PTPN1: variants seen among roughly 807,000 people sequenced by gnomAD.
The protein encoded by PTPN1 is tyrosine-protein phosphatase non-receptor type 1.
Under a neutral mutation model 59.9 loss-of-function variants are expected in PTPN1, and 12 were observed. The observed-to-expected ratio is 0.20, with a 90% CI of 0.13 to 0.32. The LOEUF is 0.32. Ranked by LOEUF, PTPN1 falls within the 10% of genes least tolerant of loss-of-function variation. The probability of loss-of-function intolerance (pLI) is 1.00; values close to 1 mark genes in which losing one functional copy is unlikely to be tolerated. For missense variants in PTPN1, 356 were observed against 549.2 expected, an observed-to-expected ratio of 0.65 and a Z score of 3.52; for synonymous variants, 178 against 203.6, an observed-to-expected ratio of 0.87 and a Z score of 1.07.
intron 1 of PTPN1, among the ~76,000 whole-genome samples, chr20:50,532,011 A>G (rs2082603474): frequency 6.6e-6 from 1 of 152,138 alleles, no homozygotes; most frequent in African/African-American, 2.4e-5. Flanking sequence ...TTGGCTGCAG[A>G]CTAGTAATAA....
intron 1 of PTPN1, among the ~76,000 whole-genome samples, chr20:50,539,142 TC>T (rs2082637651): frequency 6.8e-6 from 1 of 147,976 alleles, no homozygotes; most frequent in Admixed American, 6.9e-5. Context: ...TTTAAGCGAC[TC>T]TCCTGCCTCA....
chr20:50,546,589 G>A (rs1328388499), intron 1 of PTPN1, among the ~76,000 whole-genome samples: 2 of 152,192 alleles, frequency 1.3e-5, no homozygotes, highest in African/African-American at 2.4e-5. Context: ...GGTCCTGGTA[G>A]CAGAATCTTG....
intron 5 of PTPN1, chr20:50,577,665 G>A (rs919862160): frequency 6.6e-6 from 1 of 152,272 alleles, no homozygotes; most frequent in Non-Finnish European, 1.5e-5. Flanking sequence ...ACCCAGCCAC[G>A]GAAGAGACAT....
rs147964009 is a variant in PTPN1 at position 50,548,031 on chromosome 20, T to A, written c.64-13332T>A. Among the ~76,000 whole-genome samples, 277 of 151,956 alleles carry A rather than the reference T, an allele frequency of 1.8e-3. 2 individuals carry two copies. Among genetic ancestry groups the A allele is most frequent in the Middle Eastern group, 6.8e-3 (2 of 294 alleles). ...CAATATTGTAATTTACTTTGAAGATTTTTTTTTATTCTCAACATCCTGCAG... is the reference window on the plus strand; with the variant it reads ...CAATATTGTAATTTACTTTGAAGATATTTTTTTATTCTCAACATCCTGCAG... On this transcript the variant is annotated intron_variant, in intron 1 of 9. Transcript: ENST00000371621.
chr20:50,529,186 C>A, intron 1 of PTPN1, among the ~76,000 whole-genome samples: 1 of 152,184 alleles, frequency 6.6e-6, no homozygotes, highest in East Asian at 1.9e-4. Flanking sequence ...GGTAGTTTCC[C>A]TGTGGCTTAT....
chr20:50,577,907 C>T (rs56344540), intron 5 of PTPN1: 8,011 of 156,832 alleles, frequency 0.051, 304 homozygotes, highest in Non-Finnish European at 0.077. Context: ...CTTGGAGTCA[C>T]CAGTCTTTGG....
At chr20:50,541,861 G>T (rs2082654395) in intron 1 of PTPN1, among the ~76,000 whole-genome samples, 1 of 152,146 alleles carries the variant, frequency 6.6e-6, no homozygotes, top group African/African-American at 2.4e-5. Context: ...GCAGGTCAGT[G>T]GTGCCTGGAA....
chr20:50,580,403 G>A (rs1249161353), intron 8 of PTPN1, among the ~76,000 whole-genome samples: 1 of 152,164 alleles, frequency 6.6e-6, no homozygotes, highest in African/African-American at 2.4e-5. Context: ...ATTGATATGT[G>A]TGGTGTACTG....
chr20:50,564,897 G>T (rs1021673889), intron 2 of PTPN1, 72 bp from the exon 3 acceptor site: 1 of 1,588,048 alleles, frequency 6.3e-7, no homozygotes, highest in African/African-American at 1.4e-5. Flanking sequence ...TTGCTTTTCT[G>T]TAGGGTGTGC....
intron 1 of PTPN1, among the ~76,000 whole-genome samples, chr20:50,531,588 G>C (rs2082601333): frequency 6.6e-6 from 1 of 152,188 alleles, no homozygotes; most frequent in African/African-American, 2.4e-5. Context: ...TGTTGGCCAG[G>C]CTGGTCTCAA....
chr20:50,531,811 A>T (rs1380085463), intron 1 of PTPN1, among the ~76,000 whole-genome samples: 1 of 151,524 alleles, frequency 6.6e-6, no homozygotes, highest in Non-Finnish European at 1.5e-5. Flanking sequence ...CCACGGCCAT[A>T]CTCTTCGTCC....
chr20:50,551,464 G>A (rs1309334248), intron 1 of PTPN1, among the ~76,000 whole-genome samples: 1 of 152,198 alleles, frequency 6.6e-6, no homozygotes, highest in Non-Finnish European at 1.5e-5. Context: ...TGATGCCTAT[G>A]TAAAATGATA....
In PTPN1 at chr20:50,524,569, C is replaced by CTTTT. The variant is rs764474360; in HGVS notation, c.63+14001_63+14004dup. 3.6e-3 allele frequency among the ~76,000 whole-genome samples: 165 copies of CTTTT among 45,792 alleles called. 13 individuals carry two copies. Among genetic ancestry groups the CTTTT allele is most frequent in the Non-Finnish European group, 4.1e-3 (113 of 27,562 alleles). 30.0% of individuals were successfully genotyped at this position (45,792 alleles called of 152,430 possible). On this transcript the variant is annotated intron_variant, in intron 1 of 9. Transcript: ENST00000371621. ...TGGCTGGTTTATCCCATTATGTGGT[C>CTTTT]TTTTTTTTTTTTTTTTTTTTTTTTT...
intron 8 of PTPN1, among the ~76,000 whole-genome samples, chr20:50,580,440 T>G (rs981291787): frequency 1.2e-4 from 18 of 152,220 alleles, no homozygotes; most frequent in African/African-American, 4.3e-4. Flanking sequence ...TCCCCTGGTC[T>G]GTGTTCTAGA....
intron 4 of PTPN1, among the ~76,000 whole-genome samples, chr20:50,569,595 A>G (rs73272528): frequency 0.02 from 2,996 of 147,878 alleles, 58 homozygotes; most frequent in African/African-American, 0.045. Context: ...TAGACTGTCC[A>G]TGTAAACTGT....
intron 3 of PTPN1, among the ~76,000 whole-genome samples, chr20:50,566,037 G>A (rs2082777549): frequency 6.6e-6 from 1 of 152,078 alleles, no homozygotes; most frequent in Non-Finnish European, 1.5e-5. Context: ...TCGTCATCTG[G>A]GATGCAGAGC....
intron 1 of PTPN1, among the ~76,000 whole-genome samples, chr20:50,545,244 C>T (rs1319560113): frequency 6.6e-6 from 1 of 152,178 alleles, no homozygotes; most frequent in Admixed American, 6.5e-5. Context: ...GCATCAGCCA[C>T]TGCACCTGGC....
chr20:50,523,756 G>T (rs1325450035), intron 1 of PTPN1, among the ~76,000 whole-genome samples: 1 of 152,184 alleles, frequency 6.6e-6, no homozygotes, highest in Non-Finnish European at 1.5e-5. Flanking sequence ...TAGGCTCCAG[G>T]TGCTGTGGGG....
chr20:50,560,012 G>A lies in PTPN1; in HGVS notation c.64-1351G>A, dbSNP rs143014149. Among the ~76,000 whole-genome samples the A allele has an allele frequency of 5.4e-3, 822 of 152,166 alleles. 10 individuals carry two copies. The highest frequency in any genetic ancestry group is 0.019 in the African/African-American group (796 of 41,520). Reference sequence around the variant, plus strand: ...GGTGTAAGGAGCCTGTCAACACTGCGCTGGCCTCAGGGCCTCTAGGGAGGC... The same window carrying A: ...GGTGTAAGGAGCCTGTCAACACTGCACTGGCCTCAGGGCCTCTAGGGAGGC... On this transcript the variant is annotated intron_variant, in intron 1 of 9. Coordinates refer to ENST00000371621, the MANE Select transcript of PTPN1 (RefSeq NM_002827.4).
Sources: gnomAD v4.1 joint callset for allele counts (sites outside exome capture counted in the v4.1 genomes callset) on GRCh38, gnomAD v4.1.1 for gene constraint, MANE v1.5 for transcripts, NCBI Gene and HGNC (gene_info 2026-07-23, HGNC 2026-07-21) for gene names.